PRKCH: variants seen among roughly 807,000 people sequenced by gnomAD.
PRKCH encodes protein kinase C eta type.
PRKCH carries 28 observed loss-of-function variants against 82.5 expected under a neutral mutation model. The observed-to-expected ratio is 0.34, with a 90% CI of 0.25 to 0.47. The LOEUF (loss-of-function observed/expected upper bound fraction) is 0.47. Ranked by LOEUF, PRKCH falls within the 20% of genes least tolerant of loss-of-function variation. The pLI is 1.00. For missense variants in PRKCH, 705 were observed against 881.8 expected (o/e 0.80, Z 2.54); for synonymous variants, 322 against 327.4 (o/e 0.98, Z 0.18).
In PRKCH at chr14:61,457,518, A is replaced by G. The variant is rs1884830989; in HGVS notation, c.1117A>G (p.Arg373Gly). 2.5e-6 allele frequency: 4 copies of G among 1,613,940 alleles called. No homozygotes were observed. In the East Asian group the frequency reaches 8.9e-5, roughly 36 times the overall value. ...KGSFGKVMLA[R>G]VKETGDLYAV... ...TGCTTTGCCATAGGTGATGCTTGCA[A>G]GAGTAAAAGAAACAGGAGACCTCTA... Residue 373 changes from arginine (R) to glycine (G), a missense_variant, in exon 9 of 14, where the codon AGA (arginine) becomes GGA (glycine). Arg to Gly is a moderately radical substitution (Grantham distance 125, BLOSUM62 -2). Transcript: ENST00000332981.
At chr14:61,371,581 C>T (rs1466254094) in intron 1 of PRKCH, among the ~76,000 whole-genome samples, 1 of 152,036 alleles carries the variant, frequency 6.6e-6, no homozygotes, top group Admixed American at 6.5e-5. Context: ...GAAGACCACA[C>T]AGGCAGGCAT....
At chr14:61,508,126 C>T (rs965849661) in intron 10 of PRKCH, among the ~76,000 whole-genome samples, 4 of 152,044 alleles carry the variant, frequency 2.6e-5, no homozygotes, top group African/African-American at 7.3e-5. Flanking sequence ...AAATCCTCTT[C>T]CCTTTGGTCC....
chr14:61,385,579 T>C (rs1331163743), intron 1 of PRKCH, among the ~76,000 whole-genome samples: 1 of 152,172 alleles, frequency 6.6e-6, no homozygotes, highest in Non-Finnish European at 1.5e-5. Flanking sequence ...AGATCAACGT[T>C]AATGATAATC....
chr14:61,308,490 A>G (rs1417001845), intron 1 of PRKCH, among the ~76,000 whole-genome samples: 1 of 152,086 alleles, frequency 6.6e-6, no homozygotes, highest in Admixed American at 6.5e-5. Flanking sequence ...TGGTTTTTAT[A>G]TTATCACACC....
chr14:61,322,732 G>T, intron 1 of PRKCH: 1 of 410,460 alleles, frequency 2.4e-6, no homozygotes, highest in East Asian at 4.1e-5. Flanking sequence ...CAGGGGTCCA[G>T]GGCGGTCACC....
chr14:61,511,211 C>T (rs970852350), intron 10 of PRKCH, among the ~76,000 whole-genome samples: 14 of 152,304 alleles, frequency 9.2e-5, no homozygotes, highest in Admixed American at 7.2e-4. Flanking sequence ...CAAGTGGGAT[C>T]ATTAACTGTC....
chr14:61,189,056 A>G (rs1177215810), intron 1 of PRKCH, among the ~76,000 whole-genome samples: 3 of 152,180 alleles, frequency 2.0e-5, no homozygotes, highest in African/African-American at 7.2e-5. Context: ...AATAGTACAT[A>G]AAACAAAAGG....
intron 2 of PRKCH, among the ~76,000 whole-genome samples, chr14:61,440,652 G>A (rs1165911163): frequency 6.6e-6 from 1 of 152,122 alleles, no homozygotes; most frequent in Non-Finnish European, 1.5e-5. Flanking sequence ...GAGGCGGGTG[G>A]ATCACAAGGT....
At position 61,369,847 on chromosome 14, in the gene PRKCH, A is replaced by T. The variant is rs61507847; in HGVS notation, c.364-21378A>T. Among the ~76,000 whole-genome samples the T allele has an allele frequency of 4.0e-4, 61 of 152,134 alleles. 2 individuals carry two copies. The East Asian group carries it at 0.012, about 29-fold the overall frequency. ...CAGAAAGTTCTTGGTAAAAAACAGA[A>T]CTTTATTTTTAAACTATTGATGCAT... On this transcript the variant is annotated intron_variant, in intron 1 of 13. Coordinates refer to ENST00000332981, the MANE Select transcript of PRKCH (RefSeq NM_006255.5).
At chr14:61,418,680 G>A (rs1464361726) in intron 2 of PRKCH, among the ~76,000 whole-genome samples, 2 of 152,292 alleles carry the variant, frequency 1.3e-5, no homozygotes, top group East Asian at 3.9e-4. Flanking sequence ...TGGACCCTGG[G>A]TTTTGCCTTG....
chr14:61,499,483 G>A (rs896930243), intron 10 of PRKCH, among the ~76,000 whole-genome samples: 11 of 152,108 alleles, frequency 7.2e-5, no homozygotes, highest in Admixed American at 3.9e-4. Flanking sequence ...GGAAGGTGGC[G>A]CTTTGACTGC....
chr14:61,525,489 C>T (rs1450791396), intron 10 of PRKCH, among the ~76,000 whole-genome samples: 3 of 152,190 alleles, frequency 2.0e-5, no homozygotes, highest in Admixed American at 6.5e-5. Context: ...GTCTTGCCCA[C>T]TTGCGTCTTC....
At chr14:61,507,540 T>G (rs1162173384) in intron 10 of PRKCH, among the ~76,000 whole-genome samples, 1 of 152,154 alleles carries the variant, frequency 6.6e-6, no homozygotes, top group East Asian at 1.9e-4. Context: ...CTAAATGTCC[T>G]TCTGCAGACA....
chr14:61,522,966 C>A (rs2042924298), intron 10 of PRKCH, among the ~76,000 whole-genome samples: 1 of 152,212 alleles, frequency 6.6e-6, no homozygotes, highest in African/African-American at 2.4e-5. Context: ...AAGTCTTTTG[C>A]CCATTTAATA....
chr14:61,335,713 A>T (rs1364078417), intron 1 of PRKCH, among the ~76,000 whole-genome samples: 2 of 152,216 alleles, frequency 1.3e-5, no homozygotes, highest in African/African-American at 4.8e-5. Context: ...GTTTTAGATA[A>T]TGCCTATTTT....
intron 2 of PRKCH, among the ~76,000 whole-genome samples, chr14:61,400,043 G>A (rs1881525259): frequency 6.6e-6 from 1 of 152,170 alleles, no homozygotes; most frequent in African/African-American, 2.4e-5. Context: ...TCTCTACTAA[G>A]GCAGTGCACA....
chr14:61,236,598 C>T (rs1029976306), intron 1 of PRKCH, among the ~76,000 whole-genome samples: 4 of 148,794 alleles, frequency 2.7e-5, no homozygotes, highest in African/African-American at 9.9e-5. Flanking sequence ...ATCCCAGCTA[C>T]TTGGGAGGCT....
intron 10 of PRKCH, among the ~76,000 whole-genome samples, chr14:61,521,741 T>C (rs752318543): frequency 6.6e-6 from 1 of 152,044 alleles, no homozygotes; most frequent in Non-Finnish European, 1.5e-5. Context: ...CTTAATCTTT[T>C]TAAAGCTTAC....
chr14:61,465,137 A>C (rs1885198213), intron 9 of PRKCH, among the ~76,000 whole-genome samples: 2 of 152,240 alleles, frequency 1.3e-5, no homozygotes, highest in Admixed American at 6.5e-5. Context: ...CCTTATCCAG[A>C]TATGTGTTTT....
Sources: gnomAD v4.1 joint callset for allele counts (sites outside exome capture counted in the v4.1 genomes callset) on GRCh38, gnomAD v4.1.1 for gene constraint, MANE v1.5 for transcripts, NCBI Gene and HGNC (gene_info 2026-07-23, HGNC 2026-07-21) for gene names.